VWF: variants seen among roughly 807,000 people sequenced by gnomAD.
VWF encodes Factor VIII related antigen.
Under a neutral mutation model 308.6 loss-of-function variants are expected in VWF, and 176 were observed. The ratio of observed to expected loss-of-function variants is 0.57; its 90% CI spans 0.50 to 0.65. VWF has a LOEUF of 0.65. Among genes scored for constraint, VWF ranks in the 30% least tolerant of loss-of-function variants. The pLI is 0.00. For synonymous variants in VWF, 1,385 were observed against 1,443.4 expected, an observed-to-expected ratio of 0.96 and a Z score of 0.92; for missense variants, 3,146 against 3,648.2, an observed-to-expected ratio of 0.86 and a Z score of 3.55.
At chr12:6,111,877 G>C (rs1033898056) in intron 3 of VWF, among the ~76,000 whole-genome samples, 4 of 150,468 alleles carry the variant, frequency 2.7e-5, no homozygotes, top group Non-Finnish European at 5.9e-5. Context: ...AGAACGGCGT[G>C]AACCCAGGAG....
chr12:6,092,514 T>TG (rs1945046807), intron 6 of VWF, among the ~76,000 whole-genome samples: 1 of 81,874 alleles, frequency 1.2e-5, no homozygotes, highest in South Asian at 5.2e-4. Context: ...CTAGTATGTG[T>TG]TTGTCTGTGT....
intron 22 of VWF, among the ~76,000 whole-genome samples, chr12:6,028,835 C>T (rs927209434): frequency 3.9e-5 from 6 of 152,220 alleles, no homozygotes; most frequent in African/African-American, 4.8e-5. Flanking sequence ...ATCGATGCTA[C>T]GAAGAAACGG....
At chr12:5,959,968 T>C (rs1943293924) in intron 47 of VWF, among the ~76,000 whole-genome samples, 1 of 149,618 alleles carries the variant, frequency 6.7e-6, no homozygotes, top group Admixed American at 6.7e-5. Context: ...ATAATAAAAA[T>C]AAGGGCAGAA....
intron 32 of VWF, 44 bp downstream of exon 32, chr12:6,013,437 G>T: frequency 2.5e-6 from 4 of 1,611,108 alleles, no homozygotes; most frequent in Non-Finnish European, 3.4e-6. Flanking sequence ...GTTTATTTTG[G>T]AACTTTTTTT....
At position 6,123,181 on chromosome 12, in the gene VWF, A is replaced by G. The variant is rs1374009057; in HGVS notation, c.16T>C (p.Phe6Leu). Residue 6 changes from phenylalanine (F) to leucine (L), a missense_variant, in exon 2 of 52, where the codon TTT becomes CTT. Phe to Leu is a conservative substitution (Grantham distance 22). Around this residue, in one of 3 missense-constraint regions of VWF, gnomAD observed 1,304 missense variants for 1,353.0 expected, o/e 0.96. Transcript: ENST00000261405. MIPARFAGVLLALALI... is the reference protein window; with the variant it reads MIPARLAGVLLALALI... ...GCCAGAGCAAGCAGCACCCCGGCAAATCTGGCAGGAATCATCTGCAAAGAA... is the reference window on the plus strand; with the variant it reads ...GCCAGAGCAAGCAGCACCCCGGCAAGTCTGGCAGGAATCATCTGCAAAGAA... The G allele has an allele frequency of 6.2e-7, 1 of 1,614,200 alleles. No homozygotes were observed. The highest frequency in any genetic ancestry group is 1.7e-5 in the Admixed American group (1 of 60,028).
chr12:6,029,567 G>T (rs1443467604), intron 21 of VWF, 79 bp from the exon 22 acceptor site: 2 of 1,575,310 alleles, frequency 1.3e-6, no homozygotes, highest in Non-Finnish European at 1.7e-6. Flanking sequence ...CTCTACACCT[G>T]CCCATCTGTC....
chr12:6,112,990 G>C (rs1443492944), intron 3 of VWF, among the ~76,000 whole-genome samples: 1 of 152,114 alleles, frequency 6.6e-6, no homozygotes, highest in Non-Finnish European at 1.5e-5. Flanking sequence ...TAAATAATAA[G>C]TCTATTCTAG....
At chr12:6,031,291 G>A (rs1202190680) in intron 21 of VWF, among the ~76,000 whole-genome samples, 153 bp downstream of exon 21, 2 of 152,114 alleles carry the variant, frequency 1.3e-5, no homozygotes, top group Non-Finnish European at 1.5e-5. Flanking sequence ...AAAATAATAC[G>A]TCACGGTCAG....
chr12:6,091,474 A>G (rs1011074866), intron 6 of VWF, among the ~76,000 whole-genome samples: 1 of 152,192 alleles, frequency 6.6e-6, no homozygotes, highest in African/African-American at 2.4e-5. Flanking sequence ...CACCCATCCA[A>G]TATTTATTAA....
Position 6,026,023 on chromosome 12 carries a change from C to T in VWF, c.2991G>A (p.Gly997=). 6.2e-6 allele frequency: 10 copies of T among 1,613,982 alleles called. No homozygotes were observed. Among genetic ancestry groups the T allele is most frequent in the Non-Finnish European group, 8.5e-6 (10 of 1,179,878 alleles). The part of the protein sequence containing the change: ...TYQEKVCGLC[G]NFDGIQNNDL... ...CATTGTTCTGGATGCCATCAAAATT[C>T]CCACACAGGCCACACACTTTCTCCT... is the stretch of plus-strand genomic sequence containing the variant. The change falls in exon 23 of 52, where the codon GGG becomes GGA. Residue 997 remains glycine, a synonymous_variant. Coordinates refer to ENST00000261405, the MANE Select transcript of VWF (RefSeq NM_000552.5).
intron 13 of VWF, among the ~76,000 whole-genome samples, chr12:6,059,438 A>G (rs1944630193): frequency 6.6e-6 from 1 of 152,214 alleles, no homozygotes. Context: ...TAGCCCTTCC[A>G]GGCTGCTATA....
At chr12:6,082,595 C>A (rs750643766) in intron 6 of VWF, among the ~76,000 whole-genome samples, 8 of 152,254 alleles carry the variant, frequency 5.3e-5, no homozygotes, top group Non-Finnish European at 1.0e-4. Context: ...CCTCTTGGGG[C>A]AGCCCACTGT....
Position 6,058,129 on chromosome 12 carries a change from A to G in VWF, c.1534-85T>C. 1 of 1,492,698 alleles carries G rather than the reference A, an allele frequency of 6.7e-7. No individual in the cohort carries two copies. Among genetic ancestry groups the G allele is most frequent in the Non-Finnish European group, 9.0e-7 (1 of 1,107,888 alleles). The allele number at this position is 1,492,698 out of a possible 1,614,324, so 92.5% of individuals were successfully genotyped here. A position where few individuals can be genotyped will look rare whatever the true frequency, so the allele number is the denominator to read the frequency against. ...TAGCTAATGAGATGGTTTTAATAAA[A>G]AAAAAAAAGTTCCCCGGGTGAAACA... is the stretch of plus-strand genomic sequence containing the variant. On this transcript the variant is annotated intron_variant, in intron 13 of 51. Transcript: ENST00000261405. This position sits in a 1 kb window ranked among gnomAD's most constrained non-coding sequence, Gnocchi z 4.9.
chr12:6,093,010 A>T (rs1159958734), intron 6 of VWF, among the ~76,000 whole-genome samples: 1 of 151,676 alleles, frequency 6.6e-6, no homozygotes, highest in African/African-American at 2.4e-5. Context: ...TTCAGTTTCT[A>T]CCAGAGGCTA....
chr12:6,070,098 T>G (rs1456311829), intron 10 of VWF, among the ~76,000 whole-genome samples: 5 of 152,268 alleles, frequency 3.3e-5, no homozygotes, highest in East Asian at 3.8e-4. Flanking sequence ...CACAGGTTAA[T>G]TGCAGCAACT....
At chr12:6,083,966 G>A (rs1376632053) in intron 6 of VWF, among the ~76,000 whole-genome samples, 2 of 152,158 alleles carry the variant, frequency 1.3e-5, no homozygotes, top group African/African-American at 4.8e-5. Context: ...CCCCCACTGG[G>A]GACAACAGAG....
chr12:5,958,756 T>C (rs1172107750), intron 47 of VWF, among the ~76,000 whole-genome samples: 1 of 152,178 alleles, frequency 6.6e-6, no homozygotes, highest in South Asian at 2.1e-4. Context: ...GATTTTTACC[T>C]GTTTTCTTTC....
At chr12:6,076,817 G>A (rs1052822566) in intron 6 of VWF, among the ~76,000 whole-genome samples, 3 of 152,188 alleles carry the variant, frequency 2.0e-5, no homozygotes, top group African/African-American at 7.2e-5. Context: ...CGGGGCCAGG[G>A]GCCAGGCCTG....
intron 43 of VWF, among the ~76,000 whole-genome samples, chr12:5,972,063 G>A (rs780827341): frequency 2.6e-5 from 4 of 152,094 alleles, no homozygotes; most frequent in South Asian, 2.1e-4. Context: ...CTCACTGACC[G>A]GGAGGCACAC....
Sources: allele counts gnomAD v4.1 joint callset (sites outside exome capture counted in the v4.1 genomes callset), GRCh38; gene constraint gnomAD v4.1.1; regional missense constraint gnomAD v4.1.1; non-coding constraint Gnocchi (gnomAD v3.1); transcripts MANE v1.5; gene names NCBI Gene and HGNC (gene_info 2026-07-23, HGNC 2026-07-21).